Variants in PRDM2 observed in about 807,000 individuals in gnomAD.
PRDM2 encodes PR/SET domain 2.
In PRDM2, 30 loss-of-function variants were observed where a neutral mutation model predicts 130.0. The observed-to-expected ratio is 0.23, with a 90% CI of 0.17 to 0.31. The LOEUF (loss-of-function observed/expected upper bound fraction) is 0.31. Ranked by LOEUF, PRDM2 falls within the 10% of genes least tolerant of loss-of-function variation. The pLI, the probability that PRDM2 is intolerant of heterozygous loss-of-function variation, is 1.00. For missense variants in PRDM2, 2,011 were observed against 2,108.4 expected, an observed-to-expected ratio of 0.95 and a Z score of 0.90; for synonymous variants, 871 against 782.4, an observed-to-expected ratio of 1.11 and a Z score of -1.89.
intron 2 of PRDM2, among the ~76,000 whole-genome samples, chr1:13,725,235 T>C (rs1229063343): frequency 6.6e-6 from 1 of 152,178 alleles, no homozygotes; most frequent in Non-Finnish European, 1.5e-5. Flanking sequence ...GAAGGAGTCT[T>C]GCTCTATCCC....
intron 6 of PRDM2, among the ~76,000 whole-genome samples, chr1:13,755,559 C>T: frequency 1.3e-5 from 2 of 152,186 alleles, no homozygotes; most frequent in Middle Eastern, 6.8e-3. Context: ...TACAAATCCA[C>T]TTATAATTTG....
Position 13,749,482 on chromosome 1 carries a change from G to C in PRDM2, c.506G>C (p.Arg169Pro), listed in dbSNP as rs1252815902. The C allele has an allele frequency of 1.4e-6, 2 of 1,449,360 alleles. No individual in the cohort carries two copies. The highest frequency in any genetic ancestry group is 9.2e-7 in the Non-Finnish European group (1 of 1,083,612). 89.8% of individuals were successfully genotyped at this position (1,449,360 alleles called of 1,614,324 possible). A position where few individuals can be genotyped will look rare whatever the true frequency, so the allele number is the denominator to read the frequency against. Residue 169 changes from arginine to proline, a missense_variant, in exon 6 of 10, where the codon CGG becomes CCG. By Grantham distance (103) the Arg-to-Pro change is moderately radical. This residue lies in a region of PRDM2 where 1,288 missense variants were observed against 1,237.7 expected (regional missense o/e 1.04). Transcript: ENST00000311066. The part of the protein sequence containing the change: ...ARSKRSSPKS[R>P]KGKKKSQENK... ...AGCAAGCGGAGCTCCCCCAAGAGCC[G>C]GAAAGGTAGGAGCCCCCCGGCCCGC... is the stretch of plus-strand genomic sequence containing the variant.
intron 6 of PRDM2, among the ~76,000 whole-genome samples, chr1:13,770,831 GAACTCTCTCTTCACATGGTA>G (rs1170127738): frequency 1.3e-5 from 2 of 152,138 alleles, no homozygotes; most frequent in African/African-American, 2.4e-5. Flanking sequence ...GCTACACCAG[GAACTCTCTCTTCACATGGTA>G]ATAAAAGAAG....
At chr1:13,746,280 G>A (rs1643602647) in intron 5 of PRDM2, among the ~76,000 whole-genome samples, 1 of 151,446 alleles carries the variant, frequency 6.6e-6, no homozygotes, top group East Asian at 1.9e-4. Flanking sequence ...TATTTCCTTT[G>A]TTGAAGGGAG....
intron 8 of PRDM2, among the ~76,000 whole-genome samples, chr1:13,798,560 T>C (rs193267683): frequency 3.5e-4 from 53 of 152,276 alleles, no homozygotes; most frequent in African/African-American, 1.2e-3. Context: ...CCCCTCCCAG[T>C]CTACACTGGT....
intron 9 of PRDM2, among the ~76,000 whole-genome samples, chr1:13,822,400 C>CTT (rs55797543): frequency 0.69 from 98,183 of 142,468 alleles, 34,463 homozygotes; most frequent in Middle Eastern, 0.78. Context: ...CTTTTTCTTT[C>CTT]TTTTTTTTTT....
At chr1:13,729,989 G>A (rs1310493006) in intron 2 of PRDM2, among the ~76,000 whole-genome samples, 1 of 152,204 alleles carries the variant, frequency 6.6e-6, no homozygotes, top group Non-Finnish European at 1.5e-5. Flanking sequence ...TCTTGAAGAC[G>A]ACAAGAGCTT....
chr1:13,767,807 T>C (rs1035474216), intron 6 of PRDM2, among the ~76,000 whole-genome samples: 3 of 151,982 alleles, frequency 2.0e-5, no homozygotes, highest in African/African-American at 7.3e-5. Context: ...ATCTTGTCTC[T>C]ACAAAAAAGA....
intron 2 of PRDM2, chr1:13,717,310 A>T: frequency 4.8e-6 from 2 of 417,952 alleles, no homozygotes; most frequent in Non-Finnish European, 3.2e-6. Context: ...GATTTCATTT[A>T]TTTTCCTATT....
chr1:13,781,792 A>G lies in PRDM2; in HGVS notation c.3997A>G (p.Ile1333Val). 1.2e-6 allele frequency: 2 copies of G among 1,614,224 alleles called. No homozygotes were observed. Among genetic ancestry groups the G allele is most frequent in the Non-Finnish European group, 8.5e-7 (1 of 1,180,042 alleles). The change falls in exon 8 of 10, where the codon ATT becomes GTT. Residue 1333 changes from isoleucine (I) to valine (V), a missense_variant. Coordinates refer to ENST00000311066, the MANE Select transcript of PRDM2 (RefSeq NM_001393986.1). The surrounding 1 kb of genome is among the most constrained non-coding windows in gnomAD (Gnocchi z 6.1). ...TATTCCACAGACTTTCACTACCGCC[A>G]TTCGCTGCACAAAGTGTGGAAAAGG... The part of the protein sequence containing the change: ...HNIPQTFTTA[I>V]RCTKCGKGVD...
chr1:13,729,606 T>C (rs116285795), intron 2 of PRDM2, among the ~76,000 whole-genome samples: 2,747 of 152,326 alleles, frequency 0.018, 63 homozygotes, highest in South Asian at 0.12. Context: ...AAAATGTCTA[T>C]GGTTAATTTA....
At chr1:13,760,277 T>C (rs1025169307) in intron 6 of PRDM2, among the ~76,000 whole-genome samples, 6 of 152,194 alleles carry the variant, frequency 3.9e-5, no homozygotes, top group Non-Finnish European at 7.3e-5. Flanking sequence ...AACTTTGTTT[T>C]CATAGCAAAT....
Position 13,700,202 on chromosome 1 carries a change from T to C in PRDM2, c.-164T>C, listed in dbSNP as rs1461503292. 1.3e-5 allele frequency: 2 copies of C among 152,272 alleles called. No individual in the cohort carries two copies. The highest frequency in any genetic ancestry group is 2.9e-5 in the Non-Finnish European group (2 of 68,028). The allele number at this position is 152,272 out of a possible 1,614,324, so 9.4% of individuals were successfully genotyped here. A position where few individuals can be genotyped will look rare whatever the true frequency, so the allele number is the denominator to read the frequency against. On this transcript the variant is annotated 5_prime_UTR_variant, in exon 1 of 10. Transcript: ENST00000311066. ...CGCCCGACGTCACTTCCGACTGGAGTCAAGATGGCGGCGGCGCGGCCGCGG... is the reference window on the plus strand; with the variant it reads ...CGCCCGACGTCACTTCCGACTGGAGCCAAGATGGCGGCGGCGCGGCCGCGG...
intron 8 of PRDM2, chr1:13,783,258 A>G (rs1329508668): frequency 2.2e-6 from 1 of 458,140 alleles, no homozygotes; most frequent in East Asian, 5.8e-5. Context: ...ATCTTGTTTA[A>G]TATTTCTGTG....
chr1:13,730,869 T>G, intron 2 of PRDM2, 131 bp from the exon 3 acceptor site: 1 of 626,302 alleles, frequency 1.6e-6, no homozygotes, highest in Admixed American at 2.7e-5. Context: ...CATCATCGTT[T>G]TGGTCTGTCT....
At chr1:13,735,371 G>A (rs548795429) in intron 4 of PRDM2, among the ~76,000 whole-genome samples, 4 of 152,258 alleles carry the variant, frequency 2.6e-5, no homozygotes, top group African/African-American at 4.8e-5. Flanking sequence ...TGGTGTTTTC[G>A]TTCTCTTGAC....
At chr1:13,798,702 T>G (rs1201199364) in intron 8 of PRDM2, among the ~76,000 whole-genome samples, 1 of 152,152 alleles carries the variant, frequency 6.6e-6, no homozygotes, top group Non-Finnish European at 1.5e-5. Context: ...GAAAATAGGG[T>G]CACCCTTTCT....
intron 4 of PRDM2, chr1:13,738,944 T>C (rs939146598): frequency 6.6e-6 from 1 of 151,834 alleles, no homozygotes; most frequent in Non-Finnish European, 1.5e-5. Context: ...CAAGAAGGTA[T>C]AGTATTTTCT....
At position 13,778,504 on chromosome 1, in the gene PRDM2, C is replaced by T; in HGVS notation, c.709C>T (p.Pro237Ser). The change falls in exon 8 of 10, where the codon CCA becomes TCA. Residue 237 changes from proline (P) to serine (S), a missense_variant. Pro to Ser is a moderately conservative substitution (Grantham distance 74). This residue lies in a region of PRDM2 where 1,288 missense variants were observed against 1,237.7 expected (regional missense o/e 1.04). Transcript: ENST00000311066. ...GGAGGTGGCCAGTCAGGAGGTGCCT[C>T]CAGAACTAGCAACCCCTGCCCCTGC... Reference protein sequence around the residue: ...LQEVASQEVPPELATPAPAWE... With the variant: ...LQEVASQEVPSELATPAPAWE... 5 of 1,614,148 alleles carry T rather than the reference C, an allele frequency of 3.1e-6. No homozygotes were observed. Among genetic ancestry groups the T allele is most frequent in the Non-Finnish European group, 4.2e-6 (5 of 1,180,022 alleles).
Sources: allele counts gnomAD v4.1 joint callset (sites outside exome capture counted in the v4.1 genomes callset), GRCh38; gene constraint gnomAD v4.1.1; regional missense constraint gnomAD v4.1.1; non-coding constraint Gnocchi (gnomAD v3.1); transcripts MANE v1.5; gene names NCBI Gene and HGNC (gene_info 2026-07-23, HGNC 2026-07-21).